Variants in LTA4H observed in about 807,000 individuals in gnomAD.
The protein encoded by LTA4H is leukotriene A-4 hydrolase.
LTA4H carries 59 observed loss-of-function variants against 89.8 expected under a neutral mutation model. The ratio of observed to expected loss-of-function variants is 0.66; its 90% CI spans 0.53 to 0.82. LTA4H has a LOEUF of 0.82. Among genes scored for constraint, LTA4H ranks in the 40% least tolerant of loss-of-function variants. The pLI, the probability that LTA4H is intolerant of heterozygous loss-of-function variation, is 0.00. For synonymous variants in LTA4H, 227 were observed against 253.1 expected, an observed-to-expected ratio of 0.90 and a Z score of 0.98; for missense variants, 617 against 727.0, an observed-to-expected ratio of 0.85 and a Z score of 1.74.
rs201722058 is a variant in LTA4H, at chr12:96,027,429, T to G, written c.411+15A>C. ...AAATTTTCTGCATCAGAAATCATTC[T>G]GGAATCCTTTTTACCTGGCACTGAC... On this transcript the variant is annotated intron_variant, in intron 3 of 18. Coordinates refer to ENST00000228740, the MANE Select transcript of LTA4H (RefSeq NM_000895.3). 9.0e-6 allele frequency: 14 copies of G among 1,562,194 alleles called. No individual in the cohort carries two copies. Among genetic ancestry groups the G allele is most frequent in the Admixed American group, 2.1e-5 (1 of 47,386 alleles).
chr12:96,020,057 C>T (rs957274341), intron 6 of LTA4H, among the ~76,000 whole-genome samples: 3 of 152,164 alleles, frequency 2.0e-5, no homozygotes, highest in African/African-American at 7.2e-5. Flanking sequence ...GCATACACTA[C>T]CATGCCCGAT....
chr12:96,028,328 G>T (rs1950534826), intron 2 of LTA4H, among the ~76,000 whole-genome samples: 1 of 152,130 alleles, frequency 6.6e-6, no homozygotes, highest in Non-Finnish European at 1.5e-5. Flanking sequence ...GTAGAATGGG[G>T]TGAATACCAT....
At chr12:96,002,848 G>A in intron 18 of LTA4H, 112 bp downstream of exon 18, 2 of 701,380 alleles carry the variant, frequency 2.9e-6, no homozygotes, top group Non-Finnish European at 4.8e-6. Flanking sequence ...AAATTATACT[G>A]ATAAACTTTA....
chr12:96,026,503 A>G (rs1225456745), intron 3 of LTA4H, among the ~76,000 whole-genome samples: 1 of 152,230 alleles, frequency 6.6e-6, no homozygotes, highest in East Asian at 1.9e-4. Context: ...TGAAAATCAG[A>G]TATTTATGAG....
At chr12:96,015,154 C>G (rs936409484) in intron 11 of LTA4H, 155 bp from the exon 12 acceptor site, 8 of 586,730 alleles carry the variant, frequency 1.4e-5, no homozygotes, top group Non-Finnish European at 2.0e-5. Context: ...GCATAAACTT[C>G]TGGAAGTCTA....
chr12:96,016,554 T>C (rs770231953), intron 10 of LTA4H, among the ~76,000 whole-genome samples: 3 of 151,346 alleles, frequency 2.0e-5, no homozygotes, highest in Admixed American at 6.6e-5. Flanking sequence ...TTAGCAGAGA[T>C]TGCACCACTG....
chr12:96,032,962 TAGG>T (rs1950591847), intron 1 of LTA4H, among the ~76,000 whole-genome samples: 1 of 151,752 alleles, frequency 6.6e-6, no homozygotes. Context: ...GGGTGGAGGG[TAGG>T]AGAAGGGAAA....
rs1950525775 is a variant in LTA4H, at chr12:96,027,514, G to C, written c.341C>G (p.Ser114Cys). The C allele has an allele frequency of 6.2e-7, 1 of 1,609,676 alleles. No homozygotes were observed. The part of the protein sequence containing the change: ...EISFETSPKS[S>C]ALQWLTPEQT... ...TTCAGGAGTGAGCCACTGGAGAGCAGAAGATTTTGGAGAGGTCTCAAAAGA... is the reference window on the plus strand; with the variant it reads ...TTCAGGAGTGAGCCACTGGAGAGCACAAGATTTTGGAGAGGTCTCAAAAGA... Residue 114 changes from serine (S) to cysteine (C), a missense_variant, in exon 3 of 19, where the codon TCT (serine) becomes TGT (cysteine). Ser to Cys is a moderately radical substitution (Grantham distance 112). Coordinates refer to ENST00000228740, the MANE Select transcript of LTA4H (RefSeq NM_000895.3).
intron 17 of LTA4H, among the ~76,000 whole-genome samples, chr12:96,003,370 G>A (rs1186807730): frequency 6.6e-6 from 1 of 152,148 alleles, no homozygotes; most frequent in African/African-American, 2.4e-5. Context: ...TTTGGTTTAA[G>A]CCTCACATTA....
intron 14 of LTA4H, chr12:96,010,910 T>C (rs543383897): frequency 6.6e-6 from 1 of 152,256 alleles, no homozygotes; most frequent in East Asian, 1.9e-4. Context: ...CATATACAAA[T>C]GATGAGAGCA....
intron 4 of LTA4H, among the ~76,000 whole-genome samples, chr12:96,023,238 T>G (rs1241260076): frequency 6.6e-6 from 1 of 152,220 alleles, no homozygotes; most frequent in East Asian, 1.9e-4. Flanking sequence ...GAACCAGTGC[T>G]ACAACAATTG....
chr12:96,014,144 C>A, intron 12 of LTA4H: 1 of 227,004 alleles, frequency 4.4e-6, no homozygotes. Flanking sequence ...GTTCTAAAAG[C>A]AATAACCTTC....
At chr12:96,019,347 T>G in intron 6 of LTA4H, 107 bp from the exon 7 acceptor site, 1 of 893,988 alleles carries the variant, frequency 1.1e-6, no homozygotes, top group East Asian at 2.5e-5. Flanking sequence ...TGAGAGTGCA[T>G]TTACCATGTG....
At chr12:96,033,306 T>C (rs1327715838) in intron 1 of LTA4H, among the ~76,000 whole-genome samples, 2 of 152,154 alleles carry the variant, frequency 1.3e-5, no homozygotes, top group African/African-American at 4.8e-5. Flanking sequence ...AGTCAAGGTT[T>C]TATTATATCT....
In LTA4H at chr12:96,022,662, C is replaced by A. The variant is rs1030075655; in HGVS notation, c.481-411G>T. 1.3e-5 allele frequency among the ~76,000 whole-genome samples: 2 copies of A among 152,100 alleles called. No homozygotes were observed. The highest frequency in any genetic ancestry group is 4.8e-5 in the African/African-American group (2 of 41,422). On this transcript the variant is annotated intron_variant, in intron 4 of 18. Transcript: ENST00000228740. This position sits in a 1 kb window ranked among gnomAD's most constrained non-coding sequence, Gnocchi z 4.0. Reference sequence around the variant, plus strand: ...AAATCCCAGCTCTGCCACCTAATAACTAACTGCACAAACTTGGGCAAATAA... The same window carrying A: ...AAATCCCAGCTCTGCCACCTAATAAATAACTGCACAAACTTGGGCAAATAA...
At chr12:96,035,942 A>G (rs576819527), upstream of LTA4H, among the ~76,000 whole-genome samples, 1 of 152,126 alleles carries the variant, frequency 6.6e-6, no homozygotes, top group Non-Finnish European at 1.5e-5. Context: ...AATCAGGTTC[A>G]TTGGTGTTTG....
At chr12:96,043,312 G>A (rs1950702595) in exon 1 of LTA4H, 9 of 1,535,308 alleles carry the variant, frequency 5.9e-6, no homozygotes, top group East Asian at 4.9e-5. Context: ...AGAAGTCGAC[G>A]AGTCTTAACT....
chr12:96,029,333 G>T (rs371231658), intron 1 of LTA4H, 148 bp from the exon 2 acceptor site: 17 of 458,782 alleles, frequency 3.7e-5, no homozygotes, highest in African/African-American at 1.2e-4. Context: ...GCTAGTCTAG[G>T]TCTCATTTTT....
In LTA4H at chr12:96,035,317, G is replaced by A. The variant is rs1462727438; in HGVS notation, c.159+44C>T. On this transcript the variant is annotated intron_variant, in intron 1 of 18. Coordinates refer to ENST00000228740, the MANE Select transcript of LTA4H (RefSeq NM_000895.3). ...CCGCAAGGACTAGGGTCGAGGGGCA[G>A]GGAGCCCGGGAGAGGCGGGCACTGG... 3.8e-6 allele frequency: 6 copies of A among 1,569,656 alleles called. No homozygotes were observed. In the East Asian group the frequency reaches 1.1e-4, roughly 30 times the overall value.
Sources: gnomAD v4.1 joint callset for allele counts (sites outside exome capture counted in the v4.1 genomes callset) on GRCh38, gnomAD v4.1.1 for gene constraint, Gnocchi (gnomAD v3.1) non-coding constraint, MANE v1.5 for transcripts, NCBI Gene and HGNC (gene_info 2026-07-23, HGNC 2026-07-21) for gene names.